Variants in TMX3 observed in about 807,000 individuals in gnomAD.
The protein encoded by TMX3 is thioredoxin related transmembrane protein 3.
In TMX3, 40 loss-of-function variants were observed where a neutral mutation model predicts 64.4. The observed-to-expected ratio is 0.62, with a 90% CI of 0.48 to 0.81. The LOEUF (loss-of-function observed/expected upper bound fraction) is 0.81. TMX3 is among the 30% of genes least tolerant of loss of function. The pLI is 0.00. For synonymous variants in TMX3, 189 were observed against 175.7 expected, an observed-to-expected ratio of 1.08 and a Z score of -0.60; for missense variants, 497 against 534.5, an observed-to-expected ratio of 0.93 and a Z score of 0.69.
intron 10 of TMX3, among the ~76,000 whole-genome samples, chr18:68,686,196 G>A (rs1017720435): frequency 8.6e-5 from 13 of 152,020 alleles, no homozygotes; most frequent in Non-Finnish European, 1.9e-4. Context: ...GCAGGGGCAC[G>A]ACCACAGCTG....
At position 68,697,220 on chromosome 18, in the gene TMX3, T is replaced by A; in HGVS notation, c.570+6A>T. ...TGTGTCGTTAAAATCAAATTTTAAA[T>A]ATTACCTCAGGAACCACTTCTTCTG... On this transcript the variant is annotated splice_donor_region_variant and intron_variant, in intron 8 of 15. Coordinates refer to ENST00000299608, the MANE Select transcript of TMX3 (RefSeq NM_019022.5). 1 of 1,486,066 alleles carries A rather than the reference T, an allele frequency of 6.7e-7. No homozygotes were observed. Among genetic ancestry groups the A allele is most frequent in the Non-Finnish European group, 9.2e-7 (1 of 1,091,654 alleles). The allele number at this position is 1,486,066 out of a possible 1,614,324, so 92.1% of individuals were successfully genotyped here. A position where few individuals can be genotyped will look rare whatever the true frequency, so the allele number is the denominator to read the frequency against.
intron 8 of TMX3, among the ~76,000 whole-genome samples, chr18:68,695,297 C>T (rs1914950335): frequency 6.6e-6 from 1 of 152,116 alleles, no homozygotes. Context: ...ATCTCTTTTT[C>T]CTAATTTACT....
chr18:68,693,491 C>G (rs902242291), intron 8 of TMX3, among the ~76,000 whole-genome samples: 2 of 151,994 alleles, frequency 1.3e-5, no homozygotes, highest in Non-Finnish European at 2.9e-5. Flanking sequence ...ACTCTCCCTG[C>G]TCCTGGCGCC....
chr18:68,701,232 G>A (rs1023253237), intron 5 of TMX3, among the ~76,000 whole-genome samples: 5 of 152,096 alleles, frequency 3.3e-5, no homozygotes, highest in Non-Finnish European at 4.4e-5. Flanking sequence ...TTAAACTTAC[G>A]TTATTATAAA....
chr18:68,681,121 AAAAAC>A lies in TMX3; in HGVS notation c.906-16_906-12del, dbSNP rs745356862. The A allele has an allele frequency of 1.3e-6, 2 of 1,545,836 alleles. No homozygotes were observed. Among genetic ancestry groups the A allele is most frequent in the Non-Finnish European group, 1.7e-6 (2 of 1,148,604 alleles). The stretch of plus-strand genomic sequence containing the variant: ...GGGACTGTCAATTCACTGAAAATAT[AAAAAC>A]AAATCAAAATATACATTAAACACAG... On this transcript the variant is annotated splice_polypyrimidine_tract_variant and intron_variant, in intron 13 of 15. Transcript: ENST00000299608.
Position 68,683,115 on chromosome 18 carries a change from C to G in TMX3, c.849-134G>C, listed in dbSNP as rs1363842265. The G allele has an allele frequency of 1.1e-5, 8 of 697,830 alleles. No homozygotes were observed. The African/African-American group carries it at 1.5e-4, about 13-fold the overall frequency. The allele number at this position is 697,830 out of a possible 1,614,324, so 43.2% of individuals were successfully genotyped here. ...ATTCAGGCCTCAGTAGGCCCAGAAA[C>G]TGTAAACATTTCACATGTAAATCAT... On this transcript the variant is annotated intron_variant, in intron 12 of 15. Transcript: ENST00000299608.
At chr18:68,698,249 T>C (rs911959743) in intron 6 of TMX3, among the ~76,000 whole-genome samples, 1 of 152,188 alleles carries the variant, frequency 6.6e-6, no homozygotes, top group Admixed American at 6.5e-5. Context: ...CACAATTTAA[T>C]CTATCAGTTT....
chr18:68,675,959 A>G lies in TMX3; in HGVS notation c.*974T>C, dbSNP rs947023466. The G allele has an allele frequency of 2.0e-5, 3 of 152,176 alleles. No homozygotes were observed. Among genetic ancestry groups the G allele is most frequent in the East Asian group, 3.8e-4 (2 of 5,202 alleles). The allele number at this position is 152,176 out of a possible 1,614,324, so 9.4% of individuals were successfully genotyped here. ...CACGGACAGGTCTACAGCATTACAT[A>G]ATAGATGTGTCAATAAACTGTGTGT... On this transcript the variant is annotated 3_prime_UTR_variant, in exon 16 of 16. Coordinates refer to ENST00000299608, the MANE Select transcript of TMX3 (RefSeq NM_019022.5).
chr18:68,696,668 G>A (rs995759514), intron 8 of TMX3, among the ~76,000 whole-genome samples: 2 of 151,240 alleles, frequency 1.3e-5, no homozygotes, highest in Non-Finnish European at 2.9e-5. Flanking sequence ...GTAGAGATAG[G>A]ATTTCACCAT....
At chr18:68,687,120 TA>T (rs1278267982) in intron 10 of TMX3, 2 of 984,224 alleles carry the variant, frequency 2.0e-6, no homozygotes, top group African/African-American at 3.5e-5. Flanking sequence ...GCTATAAATT[TA>T]TAAAACACTT....
intron 7 of TMX3, 56 bp downstream of exon 7, chr18:68,697,876 A>G (rs1915253955): frequency 1.2e-5 from 13 of 1,121,504 alleles, no homozygotes; most frequent in South Asian, 1.1e-4. Flanking sequence ...AGTCTTGATT[A>G]TAGAGTAAAT....
In TMX3 at chr18:68,677,207, A is replaced by G. The variant is rs1913007933; in HGVS notation, c.1105-14T>C. The stretch of plus-strand genomic sequence containing the variant: ...CTTGAATATAGACTGTGGAAAGAGA[A>G]TTAAAACTCAGTTCCCTTCACATGT... On this transcript the variant is annotated splice_polypyrimidine_tract_variant and intron_variant, in intron 15 of 15. Coordinates refer to ENST00000299608, the MANE Select transcript of TMX3 (RefSeq NM_019022.5). 6.2e-7 allele frequency: 1 copy of G among 1,607,122 alleles called. No individual in the cohort carries two copies. Among genetic ancestry groups the G allele is most frequent in the African/African-American group, 1.3e-5 (1 of 74,480 alleles).
chr18:68,690,430 T>C (rs948319429), intron 9 of TMX3, among the ~76,000 whole-genome samples: 3 of 152,222 alleles, frequency 2.0e-5, no homozygotes, highest in Non-Finnish European at 4.4e-5. Context: ...GGCCTACAGA[T>C]GTCGAGTTTC....
At chr18:68,702,080 A>G (rs1451678235) in intron 4 of TMX3, among the ~76,000 whole-genome samples, 3 of 148,228 alleles carry the variant, frequency 2.0e-5, no homozygotes, top group African/African-American at 7.7e-5. Context: ...TAAAAGATAT[A>G]CTGGTAAAAA....
intron 9 of TMX3, chr18:68,689,039 G>T (rs928098096): frequency 6.6e-6 from 1 of 152,110 alleles, no homozygotes; most frequent in Admixed American, 6.6e-5. Context: ...TGTAGACTCT[G>T]AATCTAAAAT....
chr18:68,693,214 A>C (rs978002954), intron 8 of TMX3, among the ~76,000 whole-genome samples: 1 of 152,116 alleles, frequency 6.6e-6, no homozygotes, highest in African/African-American at 2.4e-5. Flanking sequence ...GCCCGTCTGG[A>C]GCAGCTGCTG....
At chr18:68,706,326 A>T (rs2030659126) in intron 4 of TMX3, 1 of 152,302 alleles carries the variant, frequency 6.6e-6, no homozygotes, top group Non-Finnish European at 1.5e-5. Context: ...CAGGAGAATC[A>T]CTTGAACCCG....
At chr18:68,698,985 G>A (rs955312664) in intron 6 of TMX3, among the ~76,000 whole-genome samples, 1 of 150,984 alleles carries the variant, frequency 6.6e-6, no homozygotes, top group African/African-American at 2.4e-5. Flanking sequence ...CAGCGCCACT[G>A]CAGTCCAGCC....
chr18:68,710,732 A>C (rs1187026176), intron 3 of TMX3, among the ~76,000 whole-genome samples: 1 of 152,208 alleles, frequency 6.6e-6, no homozygotes, highest in Non-Finnish European at 1.5e-5. Context: ...GTGATGTTAC[A>C]AACTACTTGT....
Sources: allele counts gnomAD v4.1 joint callset (sites outside exome capture counted in the v4.1 genomes callset), GRCh38; gene constraint gnomAD v4.1.1; transcripts MANE v1.5; gene names NCBI Gene and HGNC (gene_info 2026-07-23, HGNC 2026-07-21).